AKAP9: variants seen among roughly 807,000 people sequenced by gnomAD.
The protein encoded by AKAP9 is A-kinase anchoring protein 9.
Under a neutral mutation model 488.5 loss-of-function variants are expected in AKAP9, and 311 were observed. The ratio of observed to expected loss-of-function variants is 0.64; its 90% CI spans 0.58 to 0.70. AKAP9 has a LOEUF of 0.70. Among genes scored for constraint, AKAP9 ranks in the 30% least tolerant of loss-of-function variants. AKAP9 has a pLI of 0.00. For synonymous variants in AKAP9, 1,462 were observed against 1,483.5 expected, an observed-to-expected ratio of 0.99 and a Z score of 0.33; for missense variants, 4,215 against 4,374.5, an observed-to-expected ratio of 0.96 and a Z score of 1.03.
chr7:92,014,489 C>T (rs1336421069), intron 10 of AKAP9, among the ~76,000 whole-genome samples, 161 bp downstream of exon 10: 1 of 151,994 alleles, frequency 6.6e-6, no homozygotes, highest in Non-Finnish European at 1.5e-5. Flanking sequence ...ATCAGTCCGG[C>T]ATTGTGGTGT....
At chr7:92,032,984 A>G (rs973190519) in intron 16 of AKAP9, among the ~76,000 whole-genome samples, 6 of 151,814 alleles carry the variant, frequency 4.0e-5, no homozygotes, top group Non-Finnish European at 7.4e-5. Flanking sequence ...AGCGTTTTAT[A>G]TGTTGAAAGA....
In AKAP9 at chr7:92,066,527, G is replaced by A; in HGVS notation, c.6311G>A (p.Ser2104Asn). 6.2e-7 allele frequency: 1 copy of A among 1,613,510 alleles called. No homozygotes were observed. Among genetic ancestry groups the A allele is most frequent in the Non-Finnish European group, 8.5e-7 (1 of 1,179,606 alleles). Residue 2104 changes from serine (S) to asparagine (N), a missense_variant, in exon 26 of 50, where the codon AGT becomes AAT. Physicochemically the swap from Ser to Asn is conservative, Grantham distance 46. Coordinates refer to ENST00000356239, the MANE Select transcript of AKAP9 (RefSeq NM_005751.5). ...LKVVPRFQPI[S>N]EHQTREVEQL... ...GTTGTTCCTCGATTCCAGCCTATCA[G>A]TGAACATCAAACTAGAGAGGTAAGA...
At position 92,102,625 on chromosome 7, in the gene AKAP9, G is replaced by A; in HGVS notation, c.11129G>A (p.Ser3710Asn). The change falls in exon 46 of 50, where the codon AGT (serine) becomes AAT (asparagine). Residue 3710 changes from serine (S) to asparagine (N), a missense_variant. Around this residue, in one of 5 missense-constraint regions of AKAP9, gnomAD observed 253 missense variants for 266.8 expected, o/e 0.95. Transcript: ENST00000356239. ...RIYGKYLRAE[S>N]FRKALIYQKK... ...TATGGTAAATACTTGAGGGCAGAAA[G>A]TTTTCGAAAGGCTCTCATTTACCAG... The A allele has an allele frequency of 6.2e-7, 1 of 1,614,208 alleles. No individual in the cohort carries two copies. Among genetic ancestry groups the A allele is most frequent in the Non-Finnish European group, 8.5e-7 (1 of 1,180,032 alleles).
At chr7:91,982,036 G>C (rs575203053) in intron 3 of AKAP9, among the ~76,000 whole-genome samples, 1 of 152,226 alleles carries the variant, frequency 6.6e-6, no homozygotes, top group South Asian at 2.1e-4. Context: ...TAATATGCTA[G>C]TGGCTGTAGG....
At chr7:91,942,292 CAA>C (rs1447747983) in intron 1 of AKAP9, among the ~76,000 whole-genome samples, 2 of 152,150 alleles carry the variant, frequency 1.3e-5, no homozygotes, top group Non-Finnish European at 2.9e-5. Flanking sequence ...AAGCTCAACA[CAA>C]GTTTGTTAAA....
intron 3 of AKAP9, among the ~76,000 whole-genome samples, 178 bp downstream of exon 3, chr7:91,980,511 T>TTTTTTTTTTTTTTTTTA: frequency 7.0e-6 from 1 of 142,876 alleles, no homozygotes; most frequent in African/African-American, 2.6e-5. Flanking sequence ...TTTTTTTTTT[T>TTTTTTTTTTTTTTTTTA]TTTTTTTCAG....
At chr7:92,055,525 T>C (rs1056064277) in intron 22 of AKAP9, among the ~76,000 whole-genome samples, 3 of 152,056 alleles carry the variant, frequency 2.0e-5, no homozygotes, top group East Asian at 3.8e-4. Flanking sequence ...TGGTTTGACA[T>C]TATTTGATTT....
chr7:92,095,094 C>G lies in AKAP9; in HGVS notation c.9650C>G (p.Ser3217Ter). Reference protein sequence around the residue: ...NDTLASEQKKSRELQWALEKE... With the variant: ...NDTLASEQKK ...ACATTAGCAAGTGAACAGAAAAAAT[C>G]AAGAGAGCTCCAGTGGGCTTTGGAG... Residue 3217 changes from serine (S) to a stop codon, truncating the protein, a stop_gained, in exon 40 of 50, where the codon TCA becomes TGA. Transcript: ENST00000356239. LOFTEE classifies it high-confidence loss of function. The G allele has an allele frequency of 6.2e-7, 1 of 1,614,136 alleles. No individual in the cohort carries two copies. Among genetic ancestry groups the G allele is most frequent in the African/African-American group, 1.3e-5 (1 of 75,056 alleles).
At chr7:92,092,051 C>T (rs1258321965) in intron 38 of AKAP9, 1 of 152,106 alleles carries the variant, frequency 6.6e-6, no homozygotes, top group African/African-American at 2.4e-5. Context: ...CCTTGAATCA[C>T]CTAAATCCTA....
At chr7:92,045,583 A>C (rs1806832299) in intron 21 of AKAP9, among the ~76,000 whole-genome samples, 1 of 152,158 alleles carries the variant, frequency 6.6e-6, no homozygotes, top group Non-Finnish European at 1.5e-5. Context: ...AGAAATAAAG[A>C]CTTTTTAGGA....
chr7:92,089,088 T>C (rs1815086745), intron 37 of AKAP9, among the ~76,000 whole-genome samples: 1 of 152,184 alleles, frequency 6.6e-6, no homozygotes, highest in African/African-American at 2.4e-5. Context: ...TCACAAAATT[T>C]GAATAGGCTC....
intron 3 of AKAP9, among the ~76,000 whole-genome samples, chr7:91,990,295 AC>A (rs1490287492): frequency 1.3e-5 from 2 of 152,036 alleles, no homozygotes; most frequent in African/African-American, 4.8e-5. Context: ...TAAATACTCT[AC>A]CCTTTAGTTA....
intron 34 of AKAP9, 46 bp from the exon 35 acceptor site, chr7:92,084,773 G>C: frequency 4.4e-6 from 7 of 1,598,422 alleles, no homozygotes; most frequent in Non-Finnish European, 6.0e-6. Context: ...GGGGACTGGG[G>C]TTTGATTTTT....
chr7:92,050,099 C>T (rs377205692), intron 21 of AKAP9, among the ~76,000 whole-genome samples: 69 of 141,228 alleles, frequency 4.9e-4, no homozygotes, highest in Middle Eastern at 3.9e-3. Flanking sequence ...GAGTTTTGCT[C>T]TATCGCCCAG....
Position 92,038,704 on chromosome 7 carries a change from A to G in AKAP9, c.4624A>G (p.Lys1542Glu). The stretch of plus-strand genomic sequence containing the variant: ...TGATCCCCATGATATACCAGAATCA[A>G]AGGACTGTGTGCTGACTATTTCAGA... ...NSDPHDIPESKDCVLTISEEM... is the reference protein window; with the variant it reads ...NSDPHDIPESEDCVLTISEEM... The change falls in exon 17 of 50, where the codon AAG becomes GAG. Residue 1542 changes from lysine to glutamate, a missense_variant. Lys to Glu is a moderately conservative substitution (Grantham distance 56, BLOSUM62 1). Transcript: ENST00000356239. 6.2e-7 allele frequency: 1 copy of G among 1,607,120 alleles called. No homozygotes were observed. Among genetic ancestry groups the G allele is most frequent in the Non-Finnish European group, 8.5e-7 (1 of 1,177,732 alleles).
At chr7:91,965,305 A>G (rs1794306228) in intron 1 of AKAP9, among the ~76,000 whole-genome samples, 1 of 152,160 alleles carries the variant, frequency 6.6e-6, no homozygotes, top group African/African-American at 2.4e-5. Flanking sequence ...TTCTGTGCTT[A>G]GCTTATTTCA....
intron 23 of AKAP9, among the ~76,000 whole-genome samples, 199 bp downstream of exon 23, chr7:92,061,621 A>ATATATAT (rs1809856756): frequency 6.4e-4 from 60 of 93,846 alleles, no homozygotes; most frequent in African/African-American, 2.4e-3. Context: ...TATATATATA[A>ATATATAT]AATTATAAAA....
intron 14 of AKAP9, among the ~76,000 whole-genome samples, chr7:92,027,368 G>C (rs1317473799): frequency 6.2e-5 from 9 of 144,860 alleles, no homozygotes; most frequent in African/African-American, 1.3e-4. Flanking sequence ...GCCTCGTCTG[G>C]GATGTGAGGA....
At chr7:91,944,451 A>C (rs1584508667) in intron 1 of AKAP9, among the ~76,000 whole-genome samples, 1 of 150,070 alleles carries the variant, frequency 6.7e-6, no homozygotes, top group Non-Finnish European at 1.5e-5. Context: ...CAGTGGCAGG[A>C]TCTTGGCTCA....
Sources: gnomAD v4.1 joint callset for allele counts (sites outside exome capture counted in the v4.1 genomes callset) on GRCh38, gnomAD v4.1.1 for gene constraint, gnomAD v4.1.1 regional missense constraint, MANE v1.5 for transcripts, NCBI Gene and HGNC (gene_info 2026-07-23, HGNC 2026-07-21) for gene names.